Variants in ATF6 observed in about 807,000 individuals in gnomAD.
The protein encoded by ATF6 is activating transcription factor 6, also known as cyclic AMP-dependent transcription factor ATF-6 alpha.
ATF6 carries 53 observed loss-of-function variants against 83.6 expected under a neutral mutation model. The ratio of observed to expected loss-of-function variants is 0.63; its 90% confidence interval spans 0.51 to 0.80. ATF6 has a LOEUF of 0.80. ATF6 is among the 30% of genes least tolerant of loss of function. The pLI is 0.00. For synonymous variants in ATF6, 288 were observed against 285.8 expected (o/e 1.01, Z -0.08); for missense variants, 744 against 797.9 (o/e 0.93, Z 0.81).
At chr1:161,889,602 A>G (rs1687506447) in intron 14 of ATF6, among the ~76,000 whole-genome samples, 1 of 152,234 alleles carries the variant, frequency 6.6e-6, no homozygotes, top group Non-Finnish European at 1.5e-5. Context: ...GCTTCATGTC[A>G]GGCATTGTGC....
rs761389483 is a variant in ATF6 at position 161,962,947 on chromosome 1, T to C, written c.*4293T>C. On this transcript the variant is annotated 3_prime_UTR_variant, in exon 16 of 16. Transcript: ENST00000367942. ...TTGCTGCTAATATGAATACCAATTA[T>C]AACTTTTAGAAACAAGAATAAAGCC... 3.3e-5 allele frequency: 5 copies of C among 152,246 alleles called. No individual in the cohort carries two copies. Among genetic ancestry groups the C allele is most frequent in the Non-Finnish European group, 7.3e-5 (5 of 68,044 alleles). The allele number at this position is 152,246 out of a possible 1,614,324, so 9.4% of individuals were successfully genotyped here.
intron 15 of ATF6, among the ~76,000 whole-genome samples, chr1:161,943,866 A>G (rs1333697850): frequency 6.6e-6 from 1 of 152,176 alleles, no homozygotes; most frequent in Non-Finnish European, 1.5e-5. Context: ...ATTTTCAAAC[A>G]TACTGTGTAT....
intron 1 of ATF6, among the ~76,000 whole-genome samples, chr1:161,767,912 A>G (rs908120518): frequency 1.3e-5 from 2 of 152,102 alleles, no homozygotes; most frequent in Admixed American, 6.5e-5. Flanking sequence ...CTAGAGTGTA[A>G]TGGCGCAATC....
At chr1:161,783,910 A>C in intron 3 of ATF6, 80 bp from the exon 4 acceptor site, 1 of 1,025,814 alleles carries the variant, frequency 9.7e-7, no homozygotes, top group Non-Finnish European at 1.5e-6. Context: ...TTTTAAAAGT[A>C]GATTTTACCT....
At chr1:161,813,602 A>G (rs1487019283) in intron 7 of ATF6, among the ~76,000 whole-genome samples, 1 of 152,126 alleles carries the variant, frequency 6.6e-6, no homozygotes, top group Non-Finnish European at 1.5e-5. Flanking sequence ...TTTTCTGTCA[A>G]ATTGTTTTTG....
intron 7 of ATF6, among the ~76,000 whole-genome samples, chr1:161,805,118 G>A (rs1245134803): frequency 6.6e-6 from 1 of 152,024 alleles, no homozygotes; most frequent in Non-Finnish European, 1.5e-5. Flanking sequence ...AAGTCTCAAT[G>A]TATGAATGTC....
At chr1:161,781,848 G>A in intron 2 of ATF6, 64 bp from the exon 3 acceptor site, 2 of 1,099,632 alleles carry the variant, frequency 1.8e-6, no homozygotes, top group Non-Finnish European at 2.7e-6. Flanking sequence ...GTGTCTCACA[G>A]TTTGATTTTA....
intron 9 of ATF6, among the ~76,000 whole-genome samples, chr1:161,827,289 G>A (rs1685928031): frequency 6.6e-6 from 1 of 152,104 alleles, no homozygotes. Flanking sequence ...GTCTGCCAGA[G>A]GAGCAGGAAC....
intron 10 of ATF6, among the ~76,000 whole-genome samples, chr1:161,850,660 G>A (rs945430326): frequency 6.6e-6 from 1 of 152,088 alleles, no homozygotes; most frequent in Non-Finnish European, 1.5e-5. Context: ...ACAATACCTG[G>A]TGCACAGTTG....
chr1:161,796,985 T>C (rs1302431533), intron 6 of ATF6, among the ~76,000 whole-genome samples: 1 of 152,168 alleles, frequency 6.6e-6, no homozygotes, highest in Non-Finnish European at 1.5e-5. Flanking sequence ...TGTAATTTCT[T>C]ATTGTTATTA....
At chr1:161,809,470 T>C (rs1265731503) in intron 7 of ATF6, among the ~76,000 whole-genome samples, 1 of 152,184 alleles carries the variant, frequency 6.6e-6, no homozygotes, top group Non-Finnish European at 1.5e-5. Flanking sequence ...TGGTTCCAAG[T>C]CTTTGCTATT....
intron 15 of ATF6, among the ~76,000 whole-genome samples, chr1:161,943,369 A>G (rs1688689290): frequency 6.6e-6 from 1 of 152,138 alleles, no homozygotes; most frequent in Non-Finnish European, 1.5e-5. Context: ...GCCTTCTGCC[A>G]TGATTGTAAG....
At chr1:161,846,156 C>T (rs1335534505) in intron 9 of ATF6, among the ~76,000 whole-genome samples, 1 of 152,124 alleles carries the variant, frequency 6.6e-6, no homozygotes, top group Non-Finnish European at 1.5e-5. Flanking sequence ...ATTTCTACTT[C>T]ATATATACAT....
At chr1:161,849,064 A>C (rs1166014744) in intron 10 of ATF6, among the ~76,000 whole-genome samples, 9 of 152,100 alleles carry the variant, frequency 5.9e-5, no homozygotes, top group Non-Finnish European at 8.8e-5. Flanking sequence ...TTTCTCATGG[A>C]CTACAGTGTT....
chr1:161,862,413 C>G (rs1163706283), intron 13 of ATF6, among the ~76,000 whole-genome samples: 1 of 152,104 alleles, frequency 6.6e-6, no homozygotes, highest in East Asian at 1.9e-4. Flanking sequence ...GTCCTAAACC[C>G]TAGAAAATCC....
At chr1:161,879,761 C>CT (rs899424117) in intron 14 of ATF6, among the ~76,000 whole-genome samples, 104 of 149,640 alleles carry the variant, frequency 7.0e-4, no homozygotes, top group Middle Eastern at 3.4e-3. Context: ...TTTGAAATTT[C>CT]TTTTTTTTTT....
chr1:161,799,330 C>T (rs1372354091), intron 6 of ATF6, among the ~76,000 whole-genome samples: 1 of 152,156 alleles, frequency 6.6e-6, no homozygotes, highest in Non-Finnish European at 1.5e-5. Context: ...AATGCAGGAA[C>T]AGAAAACCAA....
intron 14 of ATF6, among the ~76,000 whole-genome samples, chr1:161,902,612 G>C (rs1687808544): frequency 6.6e-6 from 1 of 152,014 alleles, no homozygotes; most frequent in South Asian, 2.1e-4. Flanking sequence ...GCCTCCTTAG[G>C]GAAAAAACTA....
chr1:161,849,359 AG>A lies in ATF6; in HGVS notation c.1320-2360del, dbSNP rs371216081. On this transcript the variant is annotated intron_variant, in intron 10 of 15. Transcript: ENST00000367942. ...TGAGAATATTCCTGGTGCAAGTTGC[AG>A]GGAAGAATGTTCTATATATCCTCTG... 2.7e-3 allele frequency among the ~76,000 whole-genome samples: 405 copies of A among 152,314 alleles called. 3 individuals are homozygous for A. Among genetic ancestry groups the A allele is most frequent in the African/African-American group, 9.1e-3 (377 of 41,584 alleles).
Sources: allele counts gnomAD v4.1 joint callset (sites outside exome capture counted in the v4.1 genomes callset), GRCh38; gene constraint gnomAD v4.1.1; transcripts MANE v1.5; gene names NCBI Gene and HGNC (gene_info 2026-07-23, HGNC 2026-07-21).